PIEZO2: variants seen among roughly 807,000 people sequenced by gnomAD.
PIEZO2 encodes piezo type mechanosensitive ion channel component 2.
A neutral mutation model predicts 337.3 loss-of-function variants in PIEZO2; 172 were observed. The ratio of observed to expected loss-of-function variants is 0.51; its 90% CI spans 0.45 to 0.58. PIEZO2 has a LOEUF of 0.58. PIEZO2 is among the 20% of genes least tolerant of loss of function. The probability of loss-of-function intolerance (pLI) is 0.00; values close to 1 mark genes in which losing one functional copy is unlikely to be tolerated. For synonymous variants in PIEZO2, 1,251 were observed against 1,228.5 expected, an observed-to-expected ratio of 1.02 and a Z score of -0.38; for missense variants, 3,028 against 3,391.3, an observed-to-expected ratio of 0.89 and a Z score of 2.66.
intron 21 of PIEZO2, among the ~76,000 whole-genome samples, chr18:10,764,796 T>C (rs2038283907): frequency 6.6e-6 from 1 of 152,176 alleles, no homozygotes; most frequent in Non-Finnish European, 1.5e-5. Flanking sequence ...AAAGAAATAC[T>C]GTACATGGAA....
At position 11,035,022 on chromosome 18, in the gene PIEZO2, TGCAGA is replaced by T. The variant is rs1182246004; in HGVS notation, c.160+31100_160+31104del. Among the ~76,000 whole-genome samples the T allele has an allele frequency of 6.6e-6, 1 of 152,238 alleles. No individual in the cohort carries two copies. Among genetic ancestry groups the T allele is most frequent in the African/African-American group, 2.4e-5 (1 of 41,452 alleles). ...AAGGTAACTCAAGGTCTTCTCAGCC[TGCAGA>T]GCAAAGCAGAAGCAACCCCAGTTCC... is the stretch of plus-strand genomic sequence containing the variant. On this transcript the variant is annotated intron_variant, in intron 2 of 55. Transcript: ENST00000674853. This position sits in a 1 kb window ranked among gnomAD's most constrained non-coding sequence, Gnocchi z 4.3.
chr18:11,017,142 C>T (rs1210312790), intron 2 of PIEZO2, among the ~76,000 whole-genome samples: 1 of 152,104 alleles, frequency 6.6e-6, no homozygotes, highest in Non-Finnish European at 1.5e-5. Flanking sequence ...AACTTGGACA[C>T]GTTAATGAAG....
chr18:10,678,187 C>T (rs1286706666), intron 52 of PIEZO2, among the ~76,000 whole-genome samples: 1 of 152,142 alleles, frequency 6.6e-6, no homozygotes, highest in East Asian at 1.9e-4. Flanking sequence ...TTATATCAAC[C>T]CAATGATGTT....
chr18:10,934,469 C>A (rs1474529862), intron 3 of PIEZO2, among the ~76,000 whole-genome samples: 3 of 152,134 alleles, frequency 2.0e-5, no homozygotes, highest in Non-Finnish European at 2.9e-5. Context: ...TTTTACAATA[C>A]CACTCCCCCG....
intron 1 of PIEZO2, among the ~76,000 whole-genome samples, chr18:11,147,027 T>C (rs11665351): frequency 2.6e-5 from 4 of 152,096 alleles, no homozygotes; most frequent in African/African-American, 9.7e-5. Context: ...AATTCACAAA[T>C]AGTAAATGTG....
intron 3 of PIEZO2, among the ~76,000 whole-genome samples, chr18:10,926,188 G>A (rs1282276728): frequency 1.3e-5 from 2 of 152,204 alleles, no homozygotes; most frequent in Non-Finnish European, 2.9e-5. Flanking sequence ...TTGGCCCTCA[G>A]GGGCATTCCT....
intron 1 of PIEZO2, among the ~76,000 whole-genome samples, chr18:11,124,727 A>G (rs1013467325): frequency 6.6e-6 from 1 of 152,144 alleles, no homozygotes; most frequent in Non-Finnish European, 1.5e-5. Flanking sequence ...ATCTTCCTGT[A>G]GGTAGAGTCA....
rs2039752758 is a variant in PIEZO2, at chr18:11,112,027, T to A, written c.64+36498A>T. Among the ~76,000 whole-genome samples, 1 of 152,200 alleles carries A rather than the reference T, an allele frequency of 6.6e-6. No homozygotes were observed. The highest frequency in any genetic ancestry group is 6.5e-5 in the Admixed American group (1 of 15,274). ...GGGAGCCGTGAATGAAGTTTCATAG[T>A]CCTTTATATTAATAAAGAACTTCAC... On this transcript the variant is annotated intron_variant, in intron 1 of 55. Coordinates refer to ENST00000674853, the MANE Select transcript of PIEZO2 (RefSeq NM_001378183.1). This position sits in a 1 kb window ranked among gnomAD's most constrained non-coding sequence, Gnocchi z 4.3.
In PIEZO2 at chr18:11,143,673, A is replaced by T. The variant is rs201970230; in HGVS notation, c.64+4852T>A. Among the ~76,000 whole-genome samples the T allele has an allele frequency of 0.016, 1,725 of 108,080 alleles. No homozygotes were observed. Among genetic ancestry groups the T allele is most frequent in the Non-Finnish European group, 0.024 (1,211 of 50,882 alleles). The allele number at this position is 108,080 out of a possible 152,430, so 70.9% of individuals were successfully genotyped here. A position where few individuals can be genotyped will look rare whatever the true frequency, so the allele number is the denominator to read the frequency against. ...CTCTCTCTCTCTCTCTCTCTCTCTCACTCTCTCTCTCTCACATAATTTGGC... is the reference window on the plus strand; with the variant it reads ...CTCTCTCTCTCTCTCTCTCTCTCTCTCTCTCTCTCTCTCACATAATTTGGC... On this transcript the variant is annotated intron_variant, in intron 1 of 55. Transcript: ENST00000674853. This position sits in a 1 kb window ranked among gnomAD's most constrained non-coding sequence, Gnocchi z 4.9.
At chr18:11,018,756 T>G (rs1289112331) in intron 2 of PIEZO2, among the ~76,000 whole-genome samples, 1 of 152,152 alleles carries the variant, frequency 6.6e-6, no homozygotes, top group Non-Finnish European at 1.5e-5. Context: ...TGGAACCCCA[T>G]GAAGAGATCT....
At chr18:10,880,873 AT>A (rs2042396261) in intron 4 of PIEZO2, among the ~76,000 whole-genome samples, 4 of 86,316 alleles carry the variant, frequency 4.6e-5, no homozygotes, top group South Asian at 4.3e-4. Context: ...ATATATATAT[AT>A]ATATATATAT....
intron 2 of PIEZO2, among the ~76,000 whole-genome samples, chr18:11,044,620 T>C (rs1380042191): frequency 6.6e-6 from 1 of 152,208 alleles, no homozygotes; most frequent in Non-Finnish European, 1.5e-5. Context: ...TACTTTCCTT[T>C]TTCAAGCCTC....
intron 9 of PIEZO2, among the ~76,000 whole-genome samples, chr18:10,801,824 C>G (rs534368136): frequency 6.3e-4 from 96 of 152,248 alleles, no homozygotes; most frequent in African/African-American, 2.3e-3. Context: ...CGGTAGCTCA[C>G]GCCTGTAATC....
At chr18:11,072,412 A>AT (rs565529269) in intron 1 of PIEZO2, among the ~76,000 whole-genome samples, 87 of 152,212 alleles carry the variant, frequency 5.7e-4, no homozygotes, top group African/African-American at 1.9e-3. Flanking sequence ...CCTAGGTGAG[A>AT]TTTTTTAATG....
rs901113810 is a variant in PIEZO2 at position 11,038,214 on chromosome 18, C to T, written c.160+27913G>A. Among the ~76,000 whole-genome samples, 10 of 152,260 alleles carry T rather than the reference C, an allele frequency of 6.6e-5. No homozygotes were observed. In the East Asian group the frequency reaches 1.9e-3, roughly 29 times the overall value. ...TCACCAGAACCACTATACAGTAACA[C>T]AGCCATAAAAATCATACCACCCGTT... is the stretch of plus-strand genomic sequence containing the variant. On this transcript the variant is annotated intron_variant, in intron 2 of 55. Coordinates refer to ENST00000674853, the MANE Select transcript of PIEZO2 (RefSeq NM_001378183.1). This position sits in a 1 kb window ranked among gnomAD's most constrained non-coding sequence, Gnocchi z 4.1.
At chr18:10,865,844 A>G (rs929642578) in intron 5 of PIEZO2, among the ~76,000 whole-genome samples, 1 of 152,160 alleles carries the variant, frequency 6.6e-6, no homozygotes, top group East Asian at 1.9e-4. Context: ...CTTTCATCTC[A>G]GGCTCTACTC....
At position 10,773,308 on chromosome 18, in the gene PIEZO2, A is replaced by G. The variant is rs1370733788; in HGVS notation, c.2785+104T>C. 2.5e-6 allele frequency: 3 copies of G among 1,185,770 alleles called. No homozygotes were observed. Among genetic ancestry groups the G allele is most frequent in the East Asian group, 2.6e-5 (1 of 39,154 alleles). 73.5% of individuals were successfully genotyped at this position (1,185,770 alleles called of 1,614,324 possible). On this transcript the variant is annotated intron_variant, in intron 20 of 55. Coordinates refer to ENST00000674853, the MANE Select transcript of PIEZO2 (RefSeq NM_001378183.1). This position sits in a 1 kb window ranked among gnomAD's most constrained non-coding sequence, Gnocchi z 5.3. ...CAAAAACCACTCCAATTTTTATGTCATGGACTGGGTCAAATATATATTCTT... is the reference window on the plus strand; with the variant it reads ...CAAAAACCACTCCAATTTTTATGTCGTGGACTGGGTCAAATATATATTCTT...
intron 1 of PIEZO2, among the ~76,000 whole-genome samples, chr18:11,067,758 A>G (rs916359051): frequency 5.9e-5 from 9 of 152,350 alleles, no homozygotes; most frequent in Admixed American, 2.0e-4. Context: ...ACTATAATGT[A>G]ATAATAGCAG....
intron 7 of PIEZO2, among the ~76,000 whole-genome samples, chr18:10,810,516 C>T (rs897855841): frequency 6.6e-5 from 10 of 152,206 alleles, no homozygotes; most frequent in Admixed American, 6.5e-4. Context: ...CCTCATCCTA[C>T]TCCCTACTCC....
Sources: allele counts gnomAD v4.1 joint callset (sites outside exome capture counted in the v4.1 genomes callset), GRCh38; gene constraint gnomAD v4.1.1; non-coding constraint Gnocchi (gnomAD v3.1); transcripts MANE v1.5; gene names NCBI Gene and HGNC (gene_info 2026-07-23, HGNC 2026-07-21).